The following NSUN2 variants were observed in gnomAD, a reference collection of about 807,000 sequenced individuals.
NSUN2 encodes NOP2/Sun RNA methyltransferase 2, also known as RNA cytosine C(5)-methyltransferase NSUN2.
In NSUN2, 63 loss-of-function variants were observed where a neutral mutation model predicts 92.7. The ratio of observed to expected loss-of-function variants is 0.68; its 90% CI spans 0.56 to 0.84. NSUN2 has a LOEUF of 0.84. Among genes scored for constraint, NSUN2 ranks in the 40% least tolerant of loss-of-function variants. NSUN2 has a pLI of 0.00. For missense variants in NSUN2, 989 were observed against 964.9 expected (o/e 1.02, Z -0.33); for synonymous variants, 356 against 348.3 (o/e 1.02, Z -0.25).
Position 6,607,241 on chromosome 5 carries a change from C to T in NSUN2, c.1467G>A (p.Glu489=), listed in dbSNP as rs973911611. 4.3e-6 allele frequency: 7 copies of T among 1,614,224 alleles called. No individual in the cohort carries two copies. Among genetic ancestry groups the T allele is most frequent in the East Asian group, 2.2e-5 (1 of 44,888 alleles). The part of the protein sequence containing the change: ...TGDTEIAHAT[E]DLENNGSKKD... ...TCTTACTGCCATTATTCTCTAAATCCTCAGTTGCATGAGCTATTTCTGTGT... is the reference window on the plus strand; with the variant it reads ...TCTTACTGCCATTATTCTCTAAATCTTCAGTTGCATGAGCTATTTCTGTGT... Residue 489 remains glutamate, a synonymous_variant, in exon 13 of 19, where the codon GAG becomes GAA. Transcript: ENST00000264670.
At chr5:6,605,807 C>G (rs911811029) in intron 14 of NSUN2, among the ~76,000 whole-genome samples, 4 of 151,776 alleles carry the variant, frequency 2.6e-5, no homozygotes, top group Non-Finnish European at 5.9e-5. Context: ...AAGCGGTTCT[C>G]CTGCCTCAGC....
At chr5:6,601,471 C>CG (rs913259933) in intron 18 of NSUN2, among the ~76,000 whole-genome samples, 6 of 152,058 alleles carry the variant, frequency 3.9e-5, no homozygotes, top group Admixed American at 2.0e-4. Context: ...GCCCATCCAT[C>CG]TGTTGTTCCC....
rs750634544 is a variant in NSUN2 at position 6,600,045 on chromosome 5, C to T, written c.2185G>A (p.Asp729Asn). Residue 729 changes from aspartate to asparagine, a missense_variant, in exon 19 of 19, where the codon GAC becomes AAC. By Grantham distance (23) the Asp-to-Asn change is conservative. Coordinates refer to ENST00000264670, the MANE Select transcript of NSUN2 (RefSeq NM_017755.6). The part of the protein sequence containing the change: ...NESAASTGQP[D>N]NDVTEGQRAG... ...CTCTGTCCCTCAGTCACGTCATTGT[C>T]TGGCTGTCCGGTGCTGGCTGCACTC... The T allele has an allele frequency of 4.3e-6, 7 of 1,614,264 alleles. No individual in the cohort carries two copies. The highest frequency in any genetic ancestry group is 5.9e-6 in the Non-Finnish European group (7 of 1,180,054).
rs1736505353 is a variant in NSUN2, at chr5:6,600,488, CA to C, written c.1998-257del. Among the ~76,000 whole-genome samples the C allele has an allele frequency of 2.6e-5, 4 of 152,310 alleles. No homozygotes were observed. The South Asian group carries it at 8.3e-4, about 32-fold the overall frequency. On this transcript the variant is annotated intron_variant, in intron 18 of 18. Transcript: ENST00000264670. ...TAAGTTCACAATGGAGTAGAGGCCC[CA>C]AATCTACAGATTTCACATACACTTT... is the stretch of plus-strand genomic sequence containing the variant.
Position 6,620,222 on chromosome 5 carries a change from G to A in NSUN2, c.699C>T (p.Ser233=), listed in dbSNP as rs1258302862. 2 of 1,612,956 alleles carry A rather than the reference G, an allele frequency of 1.2e-6. No homozygotes were observed. ...CATGGTTGACCACCATGATGCAGGGGCTGCTCAGCCTCTTGGCTTGATGGA... is the reference window on the plus strand; with the variant it reads ...CATGGTTGACCACCATGATGCAGGGACTGCTCAGCCTCTTGGCTTGATGGA... ...LLVHQAKRLS[S]PCIMVVNHDA... The change falls in exon 7 of 19, where the codon AGC becomes AGT. Residue 233 remains serine (S), a synonymous_variant. Coordinates refer to ENST00000264670, the MANE Select transcript of NSUN2 (RefSeq NM_017755.6).
At chr5:6,624,802 A>G (rs1194189332) in intron 4 of NSUN2, among the ~76,000 whole-genome samples, 2 of 131,662 alleles carry the variant, frequency 1.5e-5, no homozygotes, top group Admixed American at 7.6e-5. Context: ...ACTAGAAGGT[A>G]GTAGTTTAGA....
In NSUN2 at chr5:6,609,907, G is replaced by A. The variant is rs1309408779; in HGVS notation, c.1242C>T (p.Pro414=). The part of the protein sequence containing the change: ...MHLERCLRIL[P]HHQNTGGFFV... The stretch of plus-strand genomic sequence containing the variant: ...AAAACCCTCCAGTATTCTGATGATG[G>A]GGTAATATCCTAAGGCTAAATATAT... Residue 414 remains proline, a synonymous_variant, in exon 12 of 19, where the codon CCC becomes CCT. Coordinates refer to ENST00000264670, the MANE Select transcript of NSUN2 (RefSeq NM_017755.6). 1.2e-6 allele frequency: 2 copies of A among 1,611,150 alleles called. No individual in the cohort carries two copies. Among genetic ancestry groups the A allele is most frequent in the Non-Finnish European group, 1.7e-6 (2 of 1,177,712 alleles).
chr5:6,627,577 T>C (rs578194212), intron 3 of NSUN2, among the ~76,000 whole-genome samples: 54 of 152,338 alleles, frequency 3.5e-4, no homozygotes, highest in Middle Eastern at 6.8e-3. Context: ...AAACGTACTA[T>C]TACAAGATTA....
intron 9 of NSUN2, among the ~76,000 whole-genome samples, chr5:6,612,422 C>T (rs1217296533): frequency 6.6e-6 from 1 of 152,166 alleles, no homozygotes; most frequent in Admixed American, 6.5e-5. Flanking sequence ...ACACAGTCAG[C>T]CCAGTTTTAA....
At chr5:6,631,060 C>G (rs1035627998) in intron 3 of NSUN2, among the ~76,000 whole-genome samples, 3 of 152,178 alleles carry the variant, frequency 2.0e-5, no homozygotes, top group Non-Finnish European at 2.9e-5. Flanking sequence ...TGCCACTGCT[C>G]TCCAGCCTGG....
rs1291287618 is a variant in NSUN2, at chr5:6,599,519, G to A, written c.*407C>T. 1 of 160,184 alleles carries A rather than the reference G, an allele frequency of 6.2e-6. No individual in the cohort carries two copies. The highest frequency in any genetic ancestry group is 2.4e-5 in the African/African-American group (1 of 41,500). 9.9% of individuals were successfully genotyped at this position (160,184 alleles called of 1,614,324 possible). A position where few individuals can be genotyped will look rare whatever the true frequency, so the allele number is the denominator to read the frequency against. On this transcript the variant is annotated 3_prime_UTR_variant, in exon 19 of 19. Coordinates refer to ENST00000264670, the MANE Select transcript of NSUN2 (RefSeq NM_017755.6). ...TAAAGCTTATAACACACTTCCCCAA[G>A]AATTTATAGATTCTTTCTATAAATA...
intron 4 of NSUN2, among the ~76,000 whole-genome samples, chr5:6,624,848 A>C (rs1028972475): frequency 1.3e-5 from 2 of 152,210 alleles, no homozygotes; most frequent in African/African-American, 4.8e-5. Flanking sequence ...TTTAAATGTG[A>C]GACTAAGAAT....
At chr5:6,604,940 C>A in intron 15 of NSUN2, 1 of 600,022 alleles carries the variant, frequency 1.7e-6, no homozygotes, top group East Asian at 2.8e-5. Context: ...GGACAAATCC[C>A]AAGGGTCGGG....
intron 3 of NSUN2, 40 bp downstream of exon 3, chr5:6,631,833 T>C: frequency 7.4e-7 from 1 of 1,360,476 alleles, no homozygotes; most frequent in Non-Finnish European, 1.0e-6. Flanking sequence ...GAGATTAATA[T>C]CCCAAATAAA....
At chr5:6,630,853 G>A (rs1737853600) in intron 3 of NSUN2, among the ~76,000 whole-genome samples, 1 of 152,188 alleles carries the variant, frequency 6.6e-6, no homozygotes, top group African/African-American at 2.4e-5. Flanking sequence ...CCAGCACTTT[G>A]GGAGGCCGAG....
At chr5:6,604,582 T>C (rs776630341) in intron 16 of NSUN2, 23 bp downstream of exon 16, 1 of 1,608,548 alleles carries the variant, frequency 6.2e-7, no homozygotes, top group South Asian at 1.1e-5. Context: ...GCTACTGCTG[T>C]TCAAATCCAC....
intron 3 of NSUN2, among the ~76,000 whole-genome samples, chr5:6,630,920 C>G (rs910916327): frequency 6.6e-6 from 1 of 152,036 alleles, no homozygotes; most frequent in Admixed American, 6.5e-5. Flanking sequence ...GGTAAAAACC[C>G]GTCTCCACTA....
intron 3 of NSUN2, 136 bp from the exon 4 acceptor site, chr5:6,625,805 C>T (rs761343503): frequency 4.1e-5 from 27 of 655,912 alleles, no homozygotes; most frequent in Non-Finnish European, 6.6e-5. Context: ...CAATCCTCTA[C>T]GGACAGTCAG....
At chr5:6,618,092 C>A in intron 7 of NSUN2, 68 bp from the exon 8 acceptor site, 1 of 964,044 alleles carries the variant, frequency 1.0e-6, no homozygotes, top group Non-Finnish European at 1.6e-6. Flanking sequence ...ACAGATATGT[C>A]ACATACAAGC....
Sources: gnomAD v4.1 joint callset for allele counts (sites outside exome capture counted in the v4.1 genomes callset) on GRCh38, gnomAD v4.1.1 for gene constraint, MANE v1.5 for transcripts, NCBI Gene and HGNC (gene_info 2026-07-23, HGNC 2026-07-21) for gene names.